Variants in SLC10A7 observed in about 807,000 individuals in gnomAD.
The protein encoded by SLC10A7 is sodium/bile acid cotransporter 7.
In SLC10A7, 29 loss-of-function variants were observed where a neutral mutation model predicts 43.2. The observed-to-expected ratio is 0.67, with a 90% CI of 0.50 to 0.92. The LOEUF (loss-of-function observed/expected upper bound fraction) is 0.92. SLC10A7 is among the 40% of genes least tolerant of loss of function. SLC10A7 has a pLI of 0.00. For missense variants in SLC10A7, 295 were observed against 403.2 expected, an observed-to-expected ratio of 0.73 and a Z score of 2.30; for synonymous variants, 152 against 144.8, an observed-to-expected ratio of 1.05 and a Z score of -0.35.
At chr4:146,369,030 T>G (rs1188549108) in intron 5 of SLC10A7, among the ~76,000 whole-genome samples, 2 of 152,210 alleles carry the variant, frequency 1.3e-5, no homozygotes, top group African/African-American at 4.8e-5. Flanking sequence ...GGGCACTTAT[T>G]CAGTTACTTA....
chr4:146,354,578 C>T (rs1400224179), intron 5 of SLC10A7, among the ~76,000 whole-genome samples: 2 of 148,312 alleles, frequency 1.3e-5, no homozygotes, highest in East Asian at 4.0e-4. Context: ...CCCGCATCGC[C>T]AAGTCAATCC....
At chr4:146,344,194 C>T (rs767322957) in intron 5 of SLC10A7, among the ~76,000 whole-genome samples, 19 of 152,084 alleles carry the variant, frequency 1.2e-4, no homozygotes, top group Middle Eastern at 3.4e-3. Flanking sequence ...CGGATGCTCA[C>T]GGGAAGCTAT....
intron 5 of SLC10A7, among the ~76,000 whole-genome samples, chr4:146,363,234 A>G (rs1736172106): frequency 6.6e-6 from 1 of 152,168 alleles, no homozygotes; most frequent in Admixed American, 6.5e-5. Context: ...TCAGTTAAAC[A>G]GATTTCAAGA....
rs541463078 is a variant in SLC10A7 at position 146,431,879 on chromosome 4, T to G, written c.435+10904A>C. On this transcript the variant is annotated intron_variant, in intron 5 of 11. Transcript: ENST00000335472. Reference sequence around the variant, plus strand: ...AGCTACAGACTGGAACAAAAATCACTTACATAATATATGTCTGATAAATGA... The same window carrying G: ...AGCTACAGACTGGAACAAAAATCACGTACATAATATATGTCTGATAAATGA... 7.2e-5 allele frequency among the ~76,000 whole-genome samples: 11 copies of G among 152,268 alleles called. No individual in the cohort carries two copies. In the South Asian group the frequency reaches 2.3e-3, roughly 32 times the overall value.
At chr4:146,315,852 A>G (rs1346699745) in intron 6 of SLC10A7, among the ~76,000 whole-genome samples, 1 of 152,182 alleles carries the variant, frequency 6.6e-6, no homozygotes, top group Non-Finnish European at 1.5e-5. Context: ...GTAAGATGTT[A>G]TGAGTCAGGT....
chr4:146,358,460 G>A (rs988201473), intron 5 of SLC10A7, among the ~76,000 whole-genome samples: 4 of 151,972 alleles, frequency 2.6e-5, no homozygotes, highest in Non-Finnish European at 4.4e-5. Flanking sequence ...AAATACCTGG[G>A]TAACCATCAC....
intron 5 of SLC10A7, among the ~76,000 whole-genome samples, chr4:146,403,872 G>C (rs1053470463): frequency 2.0e-5 from 3 of 152,148 alleles, no homozygotes; most frequent in Non-Finnish European, 4.4e-5. Context: ...AAAGAATACA[G>C]TACATGCAAA....
chr4:146,404,706 GC>G (rs1739462150), intron 5 of SLC10A7, among the ~76,000 whole-genome samples: 2 of 152,048 alleles, frequency 1.3e-5, no homozygotes, highest in Admixed American at 6.6e-5. Context: ...CTGGCCTCAA[GC>G]AATCCTCCTG....
intron 5 of SLC10A7, among the ~76,000 whole-genome samples, chr4:146,337,765 A>T (rs572754579): frequency 6.6e-6 from 1 of 152,140 alleles, no homozygotes; most frequent in Non-Finnish European, 1.5e-5. Flanking sequence ...AAAAGGAATA[A>T]AAACAAAGTT....
Position 146,297,547 on chromosome 4 carries a change from A to T in SLC10A7, c.556-3452T>A, listed in dbSNP as rs150660121. On this transcript the variant is annotated intron_variant, in intron 7 of 11. Transcript: ENST00000335472. Reference sequence around the variant, plus strand: ...CTATTATGTCTTTACCCTATTCATAAATTGATTTTTGAATAAGGATATATG... The same window carrying T: ...CTATTATGTCTTTACCCTATTCATATATTGATTTTTGAATAAGGATATATG... 3.8e-3 allele frequency among the ~76,000 whole-genome samples: 584 copies of T among 152,218 alleles called. 3 individuals are homozygous for T. Among genetic ancestry groups the T allele is most frequent in the Middle Eastern group, 0.031 (9 of 292 alleles).
chr4:146,420,217 C>T (rs980882541), intron 5 of SLC10A7, among the ~76,000 whole-genome samples: 1 of 152,158 alleles, frequency 6.6e-6, no homozygotes, highest in Non-Finnish European at 1.5e-5. Context: ...CTCTGGACAC[C>T]ACATCACTAA....
At chr4:146,261,411 C>G (rs1408365090) in intron 10 of SLC10A7, among the ~76,000 whole-genome samples, 1 of 149,460 alleles carries the variant, frequency 6.7e-6, no homozygotes, top group African/African-American at 2.4e-5. Context: ...ATTCTAACTT[C>G]TTCCCTTTGC....
At chr4:146,287,086 C>CGAGTGGTGAGAGGGACCGAGTCTG (rs1730063963) in intron 9 of SLC10A7, among the ~76,000 whole-genome samples, 6 of 31,786 alleles carry the variant, frequency 1.9e-4, no homozygotes, top group African/African-American at 8.3e-4. Context: ...GACTGTGTTT[C>CGAGTGGTGAGAGGGACCGAGTCTG]GAGTGGTGAG....
intron 10 of SLC10A7, among the ~76,000 whole-genome samples, chr4:146,260,370 G>A (rs1728149315): frequency 6.6e-6 from 1 of 152,208 alleles, no homozygotes; most frequent in Non-Finnish European, 1.5e-5. Flanking sequence ...GGGGATGGGA[G>A]TGGAGTAAAT....
chr4:146,434,802 T>C (rs533577949), intron 5 of SLC10A7, among the ~76,000 whole-genome samples: 2 of 152,292 alleles, frequency 1.3e-5, no homozygotes, highest in East Asian at 3.9e-4. Context: ...GACCTCGTGA[T>C]CCACTAGCCT....
At chr4:146,412,327 T>C (rs565915032) in intron 5 of SLC10A7, among the ~76,000 whole-genome samples, 10 of 152,310 alleles carry the variant, frequency 6.6e-5, no homozygotes, top group African/African-American at 2.4e-4. Flanking sequence ...AACATTAGTA[T>C]TGATTGTATA....
Position 146,491,046 on chromosome 4 carries a change from A to G in SLC10A7, c.396+12803T>C, listed in dbSNP as rs192153155. Among the ~76,000 whole-genome samples, 3 of 152,376 alleles carry G rather than the reference A, an allele frequency of 2.0e-5. No individual in the cohort carries two copies. In the East Asian group the frequency reaches 5.8e-4, roughly 29 times the overall value. On this transcript the variant is annotated intron_variant, in intron 4 of 11. Coordinates refer to ENST00000335472, the MANE Select transcript of SLC10A7 (RefSeq NM_001029998.6). Reference sequence around the variant, plus strand: ...TCTGATTAAGGGTGAGTGTCACAACAGAAGTACAAACACAGTATTGTGAAT... The same window carrying G: ...TCTGATTAAGGGTGAGTGTCACAACGGAAGTACAAACACAGTATTGTGAAT...
At chr4:146,440,099 T>G (rs1730482111) in intron 5 of SLC10A7, among the ~76,000 whole-genome samples, 1 of 152,154 alleles carries the variant, frequency 6.6e-6, no homozygotes, top group East Asian at 1.9e-4. Context: ...TCTATTTTCC[T>G]CTTCTTTCTT....
chr4:146,391,984 C>T (rs1029534781), intron 5 of SLC10A7, among the ~76,000 whole-genome samples: 3 of 152,186 alleles, frequency 2.0e-5, no homozygotes, highest in Non-Finnish European at 4.4e-5. Flanking sequence ...ATCAATAACA[C>T]TGAACATATC....
Sources: allele counts gnomAD v4.1 joint callset (sites outside exome capture counted in the v4.1 genomes callset), GRCh38; gene constraint gnomAD v4.1.1; transcripts MANE v1.5; gene names NCBI Gene and HGNC (gene_info 2026-07-23, HGNC 2026-07-21).